Variants in PAN3 observed in about 807,000 individuals in gnomAD.
PAN3 encodes PAN2-PAN3 deadenylation complex subunit PAN3.
A neutral mutation model predicts 96.2 loss-of-function variants in PAN3; 19 were observed. The ratio of observed to expected loss-of-function variants is 0.20; its 90% CI spans 0.14 to 0.29. The LOEUF is 0.29. Among genes scored for constraint, PAN3 ranks in the 10% least tolerant of loss-of-function variants. The pLI is 1.00. For synonymous variants in PAN3, 433 were observed against 406.6 expected (o/e 1.06, Z -0.78); for missense variants, 882 against 1,108.1 (o/e 0.80, Z 2.90).
intron 18 of PAN3, among the ~76,000 whole-genome samples, chr13:28,288,582 G>A (rs1422717327): frequency 6.6e-6 from 1 of 152,092 alleles, no homozygotes; most frequent in African/African-American, 2.4e-5. Flanking sequence ...GTGAGCCACT[G>A]CGCCTGGCCT....
intron 1 of PAN3, among the ~76,000 whole-genome samples, chr13:28,165,050 G>A (rs1011822235): frequency 1.3e-5 from 2 of 152,180 alleles, no homozygotes; most frequent in African/African-American, 2.4e-5. Context: ...TGGGACTACA[G>A]GCATGTATCA....
At chr13:28,262,433 G>A (rs1885817968) in intron 9 of PAN3, among the ~76,000 whole-genome samples, 1 of 152,184 alleles carries the variant, frequency 6.6e-6, no homozygotes, top group Admixed American at 6.5e-5. Context: ...TCTAGTGAGT[G>A]TTGTCTCTTG....
At chr13:28,217,619 A>G (rs1223244603) in intron 5 of PAN3, among the ~76,000 whole-genome samples, 2 of 152,010 alleles carry the variant, frequency 1.3e-5, no homozygotes, top group Non-Finnish European at 2.9e-5. Flanking sequence ...TTGTGGGGTA[A>G]ATTTGAGTGT....
intron 1 of PAN3, among the ~76,000 whole-genome samples, chr13:28,163,279 T>A (rs1438409880): frequency 1.3e-5 from 2 of 152,222 alleles, no homozygotes; most frequent in African/African-American, 2.4e-5. Context: ...AAGGCTTAAA[T>A]ACTGTAGTTG....
intron 6 of PAN3, among the ~76,000 whole-genome samples, chr13:28,232,832 TTAGGC>T (rs1453705376): frequency 6.6e-6 from 1 of 152,094 alleles, no homozygotes; most frequent in Non-Finnish European, 1.5e-5. Context: ...TTTTATTATG[TTAGGC>T]TAAAATTGTA....
intron 5 of PAN3, among the ~76,000 whole-genome samples, chr13:28,211,161 A>G (rs1009631608): frequency 1.3e-5 from 2 of 151,816 alleles, no homozygotes; most frequent in African/African-American, 4.8e-5. Context: ...TTGGCCTACC[A>G]AAGTTGTAGG....
In PAN3 at chr13:28,250,539, G is replaced by C. The variant is rs1884623733; in HGVS notation, c.1001-5753G>C. 2.0e-5 allele frequency among the ~76,000 whole-genome samples: 3 copies of C among 152,068 alleles called. No homozygotes were observed. In the South Asian group the frequency reaches 6.2e-4, roughly 32 times the overall value. ...TTGCCACCATGCCTGACTAATTTTTGTATTTTTAGTAGACACGGGGTTTCA... is the reference window on the plus strand; with the variant it reads ...TTGCCACCATGCCTGACTAATTTTTCTATTTTTAGTAGACACGGGGTTTCA... On this transcript the variant is annotated intron_variant, in intron 6 of 18. Transcript: ENST00000380958.
At chr13:28,161,434 G>A (rs948349226) in intron 1 of PAN3, among the ~76,000 whole-genome samples, 7 of 152,094 alleles carry the variant, frequency 4.6e-5, no homozygotes, top group Non-Finnish European at 1.0e-4. Context: ...GTGCATCTGT[G>A]TTCAAATTTC....
chr13:28,138,438 A>C, upstream of PAN3: 1 of 297,994 alleles, frequency 3.4e-6, no homozygotes, highest in Non-Finnish European at 6.1e-6. Flanking sequence ...AGTGAGTGAG[A>C]GAATCCCAAC....
At chr13:28,156,598 C>T (rs1163273701) in intron 1 of PAN3, among the ~76,000 whole-genome samples, 1 of 152,144 alleles carries the variant, frequency 6.6e-6, no homozygotes, top group South Asian at 2.1e-4. Context: ...CTGGCAGAGA[C>T]TCAACAAAAA....
At position 28,250,157 on chromosome 13, in the gene PAN3, C is replaced by T. The variant is rs1884584160; in HGVS notation, c.1001-6135C>T. On this transcript the variant is annotated intron_variant, in intron 6 of 18. Coordinates refer to ENST00000380958, the MANE Select transcript of PAN3 (RefSeq NM_175854.8). ...TTTTCTCTTTGTCTTTCGCATGCTG[C>T]ATTTTTGCATAATTGGTAGAAAGGA... Among the ~76,000 whole-genome samples, 4 of 150,148 alleles carry T rather than the reference C, an allele frequency of 2.7e-5. No homozygotes were observed. In the South Asian group the frequency reaches 8.3e-4, roughly 31 times the overall value.
At chr13:28,229,672 A>G (rs571891350) in intron 6 of PAN3, among the ~76,000 whole-genome samples, 1 of 152,352 alleles carries the variant, frequency 6.6e-6, no homozygotes, top group South Asian at 2.1e-4. Flanking sequence ...TTGAATGGCC[A>G]TAATCTGGCA....
chr13:28,282,152 C>G (rs1235197435), intron 17 of PAN3, among the ~76,000 whole-genome samples: 1 of 152,144 alleles, frequency 6.6e-6, no homozygotes, highest in African/African-American at 2.4e-5. Flanking sequence ...TCACTTAGTT[C>G]CACCTCATTT....
intron 6 of PAN3, among the ~76,000 whole-genome samples, chr13:28,254,024 A>G (rs1290316069): frequency 1.3e-5 from 2 of 151,992 alleles, no homozygotes; most frequent in African/African-American, 4.8e-5. Flanking sequence ...TTACATACCT[A>G]CTTTGATGTC....
chr13:28,209,611 A>G (rs1278285092), intron 5 of PAN3, among the ~76,000 whole-genome samples: 1 of 152,162 alleles, frequency 6.6e-6, no homozygotes, highest in Non-Finnish European at 1.5e-5. Context: ...TTAAAATACT[A>G]TAATAAAAAA....
In PAN3 at chr13:28,229,697, AT is replaced by A. The variant is rs202133411; in HGVS notation, c.1000+9327del. Among the ~76,000 whole-genome samples, 477 of 151,934 alleles carry A rather than the reference AT, an allele frequency of 3.1e-3. 2 individuals carry two copies. The highest frequency in any genetic ancestry group is 0.011 in the African/African-American group (451 of 41,438). ...ATAATCTGGCAAGCTTACTTTGATC[AT>A]TTTTTTTGTTTTTATTGGCTTTTTT... On this transcript the variant is annotated intron_variant, in intron 6 of 18. Transcript: ENST00000380958.
intron 12 of PAN3, among the ~76,000 whole-genome samples, chr13:28,270,281 T>G (rs1168669444): frequency 6.6e-6 from 1 of 152,204 alleles, no homozygotes; most frequent in Non-Finnish European, 1.5e-5. Flanking sequence ...GAGACTTTTA[T>G]TTCCATCAAG....
At chr13:28,143,096 TTTTTTGTTTTTG>T (rs779722267) in intron 1 of PAN3, among the ~76,000 whole-genome samples, 13 of 152,092 alleles carry the variant, frequency 8.5e-5, no homozygotes, top group South Asian at 8.3e-4. Flanking sequence ...TGCAATTTGA[TTTTTTGTTTTTG>T]TTTTTGTTTT....
intron 1 of PAN3, among the ~76,000 whole-genome samples, chr13:28,172,288 C>G (rs756809895): frequency 2.0e-5 from 3 of 152,006 alleles, no homozygotes; most frequent in Non-Finnish European, 4.4e-5. Context: ...AACCCTGACT[C>G]TACTAAATAT....
Sources: allele counts gnomAD v4.1 joint callset (sites outside exome capture counted in the v4.1 genomes callset), GRCh38; gene constraint gnomAD v4.1.1; transcripts MANE v1.5; gene names NCBI Gene and HGNC (gene_info 2026-07-23, HGNC 2026-07-21).